SLC4A10: variants seen among roughly 807,000 people sequenced by gnomAD.
SLC4A10 encodes the protein solute carrier family 4 member 10.
A neutral mutation model predicts 137.7 loss-of-function variants in SLC4A10; 42 were observed. The ratio of observed to expected loss-of-function variants is 0.30; its 90% CI spans 0.24 to 0.39. The LOEUF (loss-of-function observed/expected upper bound fraction) is 0.39. Ranked by LOEUF, SLC4A10 falls within the 10% of genes least tolerant of loss-of-function variation. SLC4A10 has a pLI of 1.00. For synonymous variants in SLC4A10, 474 were observed against 464.1 expected (o/e 1.02, Z -0.27); for missense variants, 925 against 1,355.0 (o/e 0.68, Z 4.98).
At chr2:161,699,831 C>G (rs977339537) in intron 1 of SLC4A10, among the ~76,000 whole-genome samples, 5 of 152,118 alleles carry the variant, frequency 3.3e-5, no homozygotes, top group Non-Finnish European at 5.9e-5. Flanking sequence ...CTAACAACAA[C>G]AAGAAGAACA....
chr2:161,882,410 T>C lies in SLC4A10; in HGVS notation c.1160T>C (p.Ile387Thr). 3 of 1,601,818 alleles carry C rather than the reference T, an allele frequency of 1.9e-6. No individual in the cohort carries two copies. The highest frequency in any genetic ancestry group is 1.1e-5 in the South Asian group (1 of 88,482). Residue 387 changes from isoleucine (I) to threonine (T), a missense_variant, in exon 10 of 27, where the codon ATT becomes ACT. Coordinates refer to ENST00000446997, the MANE Select transcript of SLC4A10 (RefSeq NM_001178015.2). The part of the protein sequence containing the change: ...PLGKGQQYHE[I>T]GRSIATLMTD... ...GGAAAGGGTCAACAGTACCATGAGA[T>C]TGGCAGATCAATTGCAACCCTAATG...
chr2:161,842,032 G>T (rs1464408507), intron 4 of SLC4A10, among the ~76,000 whole-genome samples: 2 of 152,054 alleles, frequency 1.3e-5, no homozygotes, highest in Admixed American at 1.3e-4. Flanking sequence ...TCTATTTGAT[G>T]ATTGCATTGC....
intron 1 of SLC4A10, among the ~76,000 whole-genome samples, chr2:161,695,601 C>T (rs2042403509): frequency 6.6e-6 from 1 of 152,080 alleles, no homozygotes; most frequent in South Asian, 2.1e-4. Flanking sequence ...CATTTAGAGG[C>T]TTCTCAATAT....
At chr2:161,642,879 T>A (rs1021662823) in intron 1 of SLC4A10, among the ~76,000 whole-genome samples, 1 of 152,020 alleles carries the variant, frequency 6.6e-6, no homozygotes, top group Non-Finnish European at 1.5e-5. Context: ...TTTCTTAAAC[T>A]TTTCACTAGT....
chr2:161,813,368 C>A (rs1164530405), intron 3 of SLC4A10, among the ~76,000 whole-genome samples: 2 of 152,032 alleles, frequency 1.3e-5, no homozygotes, highest in Non-Finnish European at 2.9e-5. Flanking sequence ...TGTACTTCTG[C>A]CAGGGGCAGC....
At chr2:161,839,686 G>A (rs2059056103) in intron 3 of SLC4A10, 103 bp from the exon 4 acceptor site, 8 of 1,295,878 alleles carry the variant, frequency 6.2e-6, no homozygotes, top group South Asian at 1.4e-5. Flanking sequence ...TGAGCTTGGG[G>A]TGGTGCGAGC....
At chr2:161,760,757 A>G (rs540381622) in intron 1 of SLC4A10, among the ~76,000 whole-genome samples, 4 of 152,194 alleles carry the variant, frequency 2.6e-5, no homozygotes, top group Non-Finnish European at 5.9e-5. Flanking sequence ...TCATAATACC[A>G]TTGTATTACT....
chr2:161,862,688 A>T (rs1239223572), intron 5 of SLC4A10, among the ~76,000 whole-genome samples, 186 bp from the exon 6 acceptor site: 1 of 152,224 alleles, frequency 6.6e-6, no homozygotes, highest in Non-Finnish European at 1.5e-5. Context: ...TTCTTATTCA[A>T]CATTTCTACA....
chr2:161,722,188 A>G (rs760619929), intron 1 of SLC4A10, among the ~76,000 whole-genome samples: 5 of 152,146 alleles, frequency 3.3e-5, no homozygotes, highest in Non-Finnish European at 5.9e-5. Flanking sequence ...TTGTCAGTTC[A>G]TCCATCTCAC....
At chr2:161,933,595 A>G (rs192230105) in intron 15 of SLC4A10, among the ~76,000 whole-genome samples, 1 of 152,218 alleles carries the variant, frequency 6.6e-6, no homozygotes, top group East Asian at 1.9e-4. Flanking sequence ...CATTCTTGCT[A>G]TGTTGCCCAG....
chr2:161,865,878 A>C (rs535762676), intron 6 of SLC4A10, among the ~76,000 whole-genome samples: 9 of 152,144 alleles, frequency 5.9e-5, no homozygotes, highest in African/African-American at 2.2e-4. Flanking sequence ...AGAGATGCAA[A>C]AGGATTTCAA....
chr2:161,809,300 G>A (rs762377873), intron 3 of SLC4A10, among the ~76,000 whole-genome samples: 3 of 151,976 alleles, frequency 2.0e-5, no homozygotes, highest in Non-Finnish European at 4.4e-5. Flanking sequence ...TGAATGCATA[G>A]TTTGCAAATA....
intron 5 of SLC4A10, among the ~76,000 whole-genome samples, chr2:161,859,136 G>C (rs979815925): frequency 1.3e-5 from 2 of 151,952 alleles, no homozygotes; most frequent in Non-Finnish European, 2.9e-5. Flanking sequence ...CTTCAAAAAG[G>C]CAGAGATTTA....
At position 161,722,633 on chromosome 2, in the gene SLC4A10, T is replaced by A. The variant is rs904072351; in HGVS notation, c.49-48340T>A. ...GTGTCTGGTGACCCCTTTTGGGGGG[T>A]CTCCCCAAGTCAAGAGGCATGGGAT... On this transcript the variant is annotated intron_variant, in intron 1 of 26. Transcript: ENST00000446997. Among the ~76,000 whole-genome samples, 5 of 151,532 alleles carry A rather than the reference T, an allele frequency of 3.3e-5. No homozygotes were observed. The East Asian group carries it at 9.8e-4, about 30-fold the overall frequency.
intron 3 of SLC4A10, among the ~76,000 whole-genome samples, chr2:161,831,863 C>T (rs1045018323): frequency 6.6e-6 from 1 of 152,056 alleles, no homozygotes; most frequent in Admixed American, 6.6e-5. Context: ...TGAGAGTGAT[C>T]AGAACATGAA....
chr2:161,744,050 T>A (rs984808581), intron 1 of SLC4A10, among the ~76,000 whole-genome samples: 4 of 152,240 alleles, frequency 2.6e-5, no homozygotes, highest in South Asian at 4.2e-4. Flanking sequence ...TTTACTTTCT[T>A]TCCAAGTATA....
intron 21 of SLC4A10, among the ~76,000 whole-genome samples, chr2:161,962,317 A>G (rs1410431190): frequency 6.6e-6 from 1 of 152,224 alleles, no homozygotes; most frequent in Non-Finnish European, 1.5e-5. Context: ...CAAATGTGCC[A>G]TTTAAACAAT....
At chr2:161,746,469 T>G (rs1399814126) in intron 1 of SLC4A10, among the ~76,000 whole-genome samples, 1 of 151,908 alleles carries the variant, frequency 6.6e-6, no homozygotes, top group African/African-American at 2.4e-5. Context: ...CAGGCCTAGG[T>G]CTCTCACTTC....
intron 1 of SLC4A10, among the ~76,000 whole-genome samples, chr2:161,650,690 C>T (rs1056084213): frequency 1.3e-5 from 2 of 152,190 alleles, no homozygotes; most frequent in East Asian, 1.9e-4. Flanking sequence ...AGCCCAGGTG[C>T]GGTTGCAACC....
Sources: gnomAD v4.1 joint callset for allele counts (sites outside exome capture counted in the v4.1 genomes callset) on GRCh38, gnomAD v4.1.1 for gene constraint, MANE v1.5 for transcripts, NCBI Gene and HGNC (gene_info 2026-07-23, HGNC 2026-07-21) for gene names.